Variants in DEUP1 observed in about 807,000 individuals in gnomAD.
The protein encoded by DEUP1 is coiled-coil domain containing 67.
In DEUP1, 82 loss-of-function variants were observed where a neutral mutation model predicts 87.4. That is an observed-to-expected ratio of 0.94 (90% CI 0.78 to 1.13). The LOEUF (loss-of-function observed/expected upper bound fraction) is 1.13, where lower values mean the gene tolerates loss of function less well. Ranked by LOEUF, DEUP1 falls within the 50% of genes most tolerant of loss-of-function variation. DEUP1 has a pLI of 0.00. For synonymous variants in DEUP1, 214 were observed against 222.7 expected, an observed-to-expected ratio of 0.96 and a Z score of 0.35; for missense variants, 663 against 681.5, an observed-to-expected ratio of 0.97 and a Z score of 0.30.
At chr11:93,334,291 A>G (rs12364612) in intron 2 of DEUP1, among the ~76,000 whole-genome samples, 51,014 of 152,030 alleles carry the variant, frequency 0.34, 8,977 homozygotes, top group Non-Finnish European at 0.4. Flanking sequence ...TTATTAAACC[A>G]TGTCATCTAC....
At chr11:93,356,696 T>C (rs895546763) in intron 3 of DEUP1, among the ~76,000 whole-genome samples, 2 of 152,200 alleles carry the variant, frequency 1.3e-5, no homozygotes, top group Non-Finnish European at 2.9e-5. Flanking sequence ...CCCTGAATTT[T>C]AAATGTGATG....
At position 93,396,269 on chromosome 11, in the gene DEUP1, A is replaced by T; in HGVS notation, c.1270A>T (p.Thr424Ser). The T allele has an allele frequency of 6.3e-7, 1 of 1,586,142 alleles. No individual in the cohort carries two copies. Among genetic ancestry groups the T allele is most frequent in the Non-Finnish European group, 8.6e-7 (1 of 1,165,574 alleles). Residue 424 changes from threonine to serine, a missense_variant, in exon 11 of 14, where the codon ACT (threonine) becomes TCT (serine). Thr to Ser is a moderately conservative substitution (Grantham distance 58). Coordinates refer to ENST00000298050, the MANE Select transcript of DEUP1 (RefSeq NM_181645.4). ...AGATATGAAATATAAAGCTGTCAGAACTGAAAACACACATCTAAAAGGAAT... is the reference window on the plus strand; with the variant it reads ...AGATATGAAATATAAAGCTGTCAGATCTGAAAACACACATCTAAAAGGAAT... ...VSDMKYKAVR[T>S]ENTHLKGMMG... is the part of the protein sequence containing the mutation.
At chr11:93,359,731 T>C (rs1945072007) in intron 4 of DEUP1, among the ~76,000 whole-genome samples, 1 of 152,146 alleles carries the variant, frequency 6.6e-6, no homozygotes, top group Non-Finnish European at 1.5e-5. Context: ...ACAACCTCTC[T>C]ACTCCAGCCT....
At chr11:93,419,722 G>C (rs985638161) in intron 13 of DEUP1, among the ~76,000 whole-genome samples, 1 of 151,794 alleles carries the variant, frequency 6.6e-6, no homozygotes, top group Non-Finnish European at 1.5e-5. Context: ...ACTGTATAAA[G>C]AACTATTACT....
intron 13 of DEUP1, among the ~76,000 whole-genome samples, chr11:93,435,995 CAAAAAAA>C (rs34570659): frequency 7.9e-6 from 1 of 126,508 alleles, no homozygotes; most frequent in African/African-American, 3.1e-5. Flanking sequence ...GACTCCGTCT[CAAAAAAA>C]AAAAAAAAAA....
chr11:93,379,265 A>C (rs895657986), intron 7 of DEUP1, among the ~76,000 whole-genome samples: 2 of 152,184 alleles, frequency 1.3e-5, no homozygotes, highest in African/African-American at 2.4e-5. Context: ...GGGGAAAAAA[A>C]GATCCTCTGT....
intron 2 of DEUP1, among the ~76,000 whole-genome samples, chr11:93,340,238 A>G (rs1231510229): frequency 1.3e-5 from 2 of 152,222 alleles, no homozygotes; most frequent in African/African-American, 2.4e-5. Flanking sequence ...GTTAGGTGAC[A>G]TTTGAAGAAA....
chr11:93,331,071 T>A (rs1943448759), intron 1 of DEUP1, among the ~76,000 whole-genome samples: 1 of 152,228 alleles, frequency 6.6e-6, no homozygotes, highest in Non-Finnish European at 1.5e-5. Flanking sequence ...TCCCTGACGT[T>A]TAAGTGAGAT....
At chr11:93,407,207 T>C (rs1288686614) in intron 11 of DEUP1, among the ~76,000 whole-genome samples, 6 of 138,724 alleles carry the variant, frequency 4.3e-5, no homozygotes, top group African/African-American at 7.7e-5. Context: ...TTAATTATTT[T>C]GAAAAAAAAA....
At chr11:93,352,358 T>TA (rs1444356563) in intron 2 of DEUP1, 41 of 702,424 alleles carry the variant, frequency 5.8e-5, no homozygotes, top group Non-Finnish European at 1.0e-4. Context: ...TGACTGGACT[T>TA]ACACCAGCTC....
chr11:93,414,229 T>C (rs2134442097), intron 12 of DEUP1, among the ~76,000 whole-genome samples: 1 of 152,194 alleles, frequency 6.6e-6, no homozygotes, highest in South Asian at 2.1e-4. Context: ...AAAGACTTGT[T>C]GGCTGGGCGC....
At position 93,389,097 on chromosome 11, in the gene DEUP1, A is replaced by T; in HGVS notation, c.1013A>T (p.Gln338Leu). Residue 338 changes from glutamine (Q) to leucine (L), a missense_variant, in exon 9 of 14, where the codon CAA (glutamine) becomes CTA (leucine). Coordinates refer to ENST00000298050, the MANE Select transcript of DEUP1 (RefSeq NM_181645.4). ...IKELFSVMQD[Q>L]PNHEKELNKI... is the part of the protein sequence containing the mutation. Reference sequence around the variant, plus strand: ...GAGCTGTTTTCAGTGATGCAAGATCAACCAAATCATGAAAAAGAATTGAAC... The same window carrying T: ...GAGCTGTTTTCAGTGATGCAAGATCTACCAAATCATGAAAAAGAATTGAAC... The T allele has an allele frequency of 6.3e-7, 1 of 1,598,588 alleles. No individual in the cohort carries two copies. Among genetic ancestry groups the T allele is most frequent in the Non-Finnish European group, 8.5e-7 (1 of 1,171,924 alleles).
intron 11 of DEUP1, among the ~76,000 whole-genome samples, chr11:93,402,049 A>G (rs1947135811): frequency 1.3e-5 from 2 of 152,028 alleles, no homozygotes; most frequent in East Asian, 3.8e-4. Context: ...CAAAGAAAAG[A>G]ATCAACAAAG....
intron 9 of DEUP1, among the ~76,000 whole-genome samples, chr11:93,391,913 G>A (rs571327012): frequency 6.6e-6 from 1 of 152,132 alleles, no homozygotes; most frequent in East Asian, 1.9e-4. Flanking sequence ...ACTTGTGCTC[G>A]TGTCTCTTAG....
intron 11 of DEUP1, among the ~76,000 whole-genome samples, chr11:93,402,178 T>C (rs564724722): frequency 6.6e-6 from 1 of 151,960 alleles, no homozygotes; most frequent in East Asian, 1.9e-4. Context: ...AATAATTTGA[T>C]TTAATAATGG....
intron 7 of DEUP1, among the ~76,000 whole-genome samples, 183 bp downstream of exon 7, chr11:93,371,463 C>T (rs1945725529): frequency 6.6e-6 from 1 of 151,822 alleles, no homozygotes; most frequent in Non-Finnish European, 1.5e-5. Flanking sequence ...AGTATGTTAC[C>T]ACACTTAGAG....
At position 93,437,600 on chromosome 11, in the gene DEUP1, G is replaced by A; in HGVS notation, c.1696G>A (p.Glu566Lys). 6.2e-7 allele frequency: 1 copy of A among 1,613,628 alleles called. No individual in the cohort carries two copies. Among genetic ancestry groups the A allele is most frequent in the Non-Finnish European group, 8.5e-7 (1 of 1,179,608 alleles). ...SLAAQHFLLE[E>K]EKRAKELEKL... ...GGCTGCACAGCATTTCCTTCTGGAA[G>A]AAGAGAAACGAGCAAAAGAACTTGA... The change falls in exon 14 of 14, where the codon GAA becomes AAA. Residue 566 changes from glutamate (E) to lysine (K), a missense_variant. Physicochemically the swap from Glu to Lys is moderately conservative, Grantham distance 56. Coordinates refer to ENST00000298050, the MANE Select transcript of DEUP1 (RefSeq NM_181645.4).
chr11:93,381,993 C>T (rs549345042), intron 7 of DEUP1, among the ~76,000 whole-genome samples: 11 of 152,146 alleles, frequency 7.2e-5, no homozygotes, highest in Admixed American at 2.0e-4. Context: ...AAGTATTCAT[C>T]TGAAGTACCT....
At chr11:93,419,538 C>G (rs1210213072) in intron 13 of DEUP1, among the ~76,000 whole-genome samples, 1 of 152,072 alleles carries the variant, frequency 6.6e-6, no homozygotes, top group African/African-American at 2.4e-5. Flanking sequence ...GTCAAACCAC[C>G]TAGTTTTATT....
Sources: gnomAD v4.1 joint callset for allele counts (sites outside exome capture counted in the v4.1 genomes callset) on GRCh38, gnomAD v4.1.1 for gene constraint, MANE v1.5 for transcripts, NCBI Gene and HGNC (gene_info 2026-07-23, HGNC 2026-07-21) for gene names.